Variants in ZNF827 observed in about 807,000 individuals in gnomAD.
ZNF827 encodes zinc finger protein 827.
In ZNF827, 13 loss-of-function variants were observed where a neutral mutation model predicts 102.4. The observed-to-expected ratio is 0.13, with a 90% confidence interval of 0.08 to 0.20. ZNF827 has a LOEUF of 0.20. Ranked by LOEUF, ZNF827 falls within the 10% of genes least tolerant of loss-of-function variation. The pLI, the probability that ZNF827 is intolerant of heterozygous loss-of-function variation, is 1.00. For synonymous variants in ZNF827, 523 were observed against 536.2 expected, an observed-to-expected ratio of 0.98 and a Z score of 0.34; for missense variants, 1,103 against 1,344.4, an observed-to-expected ratio of 0.82 and a Z score of 2.81.
Position 145,867,944 on chromosome 4 carries a change from G to A in ZNF827, c.1981+2301C>T, listed in dbSNP as rs192076817. 2.8e-3 allele frequency among the ~76,000 whole-genome samples: 424 copies of A among 152,310 alleles called. 2 individuals carry two copies. The highest frequency in any genetic ancestry group is 4.7e-3 in the Non-Finnish European group (321 of 68,022). On this transcript the variant is annotated intron_variant, in intron 5 of 14. Coordinates refer to ENST00000508784, the MANE Select transcript of ZNF827 (RefSeq NM_001306215.2). ...GAAGACACAAGTCCTTTACTTGGAT[G>A]TCTTTTAGGGCATGAACTATGAAAT...
At chr4:145,893,472 C>T (rs553210970) in intron 2 of ZNF827, among the ~76,000 whole-genome samples, 8 of 152,178 alleles carry the variant, frequency 5.3e-5, no homozygotes, top group East Asian at 1.9e-4. Flanking sequence ...GATCTACAGA[C>T]GATGATATAA....
At chr4:145,868,018 A>G (rs1447319127) in intron 5 of ZNF827, among the ~76,000 whole-genome samples, 1 of 152,240 alleles carries the variant, frequency 6.6e-6, no homozygotes, top group African/African-American at 2.4e-5. Context: ...TTTTCCTAAC[A>G]TCTTCATTCT....
chr4:145,902,618 T>G lies in ZNF827; in HGVS notation c.641A>C (p.Lys214Thr). Residue 214 changes from lysine to threonine, a missense_variant, in exon 2 of 15, where the codon AAA (lysine) becomes ACA (threonine). Lys to Thr is a moderately conservative substitution (Grantham distance 78, BLOSUM62 -1). Around this residue, in one of 5 missense-constraint regions of ZNF827, gnomAD observed 441 missense variants for 458.6 expected, o/e 0.96. Coordinates refer to ENST00000508784, the MANE Select transcript of ZNF827 (RefSeq NM_001306215.2). The surrounding 1 kb of genome is among the most constrained non-coding windows in gnomAD (Gnocchi z 4.3). ...CSLSPDSAIL[K>T]LKAAANAVLQ... is the part of the protein sequence containing the mutation. The stretch of plus-strand genomic sequence containing the variant: ...AACGGCATTGGCTGCAGCTTTCAGT[T>G]TTAGGATGGCTGAATCCGGAGACAA... 1 of 1,614,040 alleles carries G rather than the reference T, an allele frequency of 6.2e-7. No individual in the cohort carries two copies. Among genetic ancestry groups the G allele is most frequent in the Non-Finnish European group, 8.5e-7 (1 of 1,179,986 alleles).
At chr4:145,855,525 T>A (rs1183869027) in intron 5 of ZNF827, among the ~76,000 whole-genome samples, 1 of 152,172 alleles carries the variant, frequency 6.6e-6, no homozygotes, top group Non-Finnish European at 1.5e-5. Flanking sequence ...CATGGTAACA[T>A]CTTTATCTTG....
chr4:145,858,277 C>T (rs1354016200), intron 5 of ZNF827, among the ~76,000 whole-genome samples: 2 of 151,652 alleles, frequency 1.3e-5, no homozygotes, highest in Non-Finnish European at 1.5e-5. Context: ...AGATGTTTTT[C>T]AAAATGAGAC....
chr4:145,783,570 A>T (rs1738413773), intron 8 of ZNF827, among the ~76,000 whole-genome samples: 1 of 152,208 alleles, frequency 6.6e-6, no homozygotes, highest in African/African-American at 2.4e-5. Flanking sequence ...CAGTTAACCC[A>T]ACAGTCATTC....
chr4:145,872,268 G>A (rs1298637176), intron 4 of ZNF827, among the ~76,000 whole-genome samples: 2 of 152,204 alleles, frequency 1.3e-5, no homozygotes, highest in African/African-American at 4.8e-5. Flanking sequence ...GGTCATAAGA[G>A]TGGAGCCCTA....
In ZNF827 at chr4:145,782,476, G is replaced by A. The variant is rs1007174182; in HGVS notation, c.2384-2965C>T. On this transcript the variant is annotated intron_variant, in intron 8 of 14. Transcript: ENST00000508784. ...TGGAATCTTTTTTGATTCCTCCCCC[G>A]ACTCTCTTTCAACACATCCAATCAG... Among the ~76,000 whole-genome samples, 10 of 152,078 alleles carry A rather than the reference G, an allele frequency of 6.6e-5. No individual in the cohort carries two copies. The East Asian group carries it at 1.5e-3, about 23-fold the overall frequency.
chr4:145,870,188 C>T lies in ZNF827; in HGVS notation c.1981+57G>A. The T allele has an allele frequency of 1.9e-6, 3 of 1,549,626 alleles. No homozygotes were observed. The South Asian group carries it at 3.5e-5, about 18-fold the overall frequency. On this transcript the variant is annotated intron_variant, in intron 5 of 14. Transcript: ENST00000508784. Reference sequence around the variant, plus strand: ...ATTATAACCCATGCAGGAAGCAGTCCAGTTGGCCTGCAAGTGAAACTATCA... The same window carrying T: ...ATTATAACCCATGCAGGAAGCAGTCTAGTTGGCCTGCAAGTGAAACTATCA...
intron 1 of ZNF827, among the ~76,000 whole-genome samples, chr4:145,936,242 C>A (rs1423443137): frequency 6.6e-6 from 1 of 152,092 alleles, no homozygotes; most frequent in East Asian, 1.9e-4. Flanking sequence ...CACTCTTCCA[C>A]CAACTGCTGC....
At chr4:145,862,055 G>T (rs1747782516) in intron 5 of ZNF827, among the ~76,000 whole-genome samples, 1 of 152,224 alleles carries the variant, frequency 6.6e-6, no homozygotes, top group South Asian at 2.1e-4. Context: ...AGCTGGAACA[G>T]CTCCCATATG....
At chr4:145,908,291 C>A (rs1752028835) in intron 1 of ZNF827, among the ~76,000 whole-genome samples, 1 of 152,196 alleles carries the variant, frequency 6.6e-6, no homozygotes, top group Admixed American at 6.5e-5. Flanking sequence ...CCATATGAGT[C>A]TAGCCAGCAG....
At chr4:145,853,980 A>G (rs1466524993) in intron 5 of ZNF827, among the ~76,000 whole-genome samples, 1 of 152,192 alleles carries the variant, frequency 6.6e-6, no homozygotes, top group African/African-American at 2.4e-5. Context: ...CAATTAAAAA[A>G]AAATGAAGAA....
chr4:145,871,027 ATTT>A lies in ZNF827; in HGVS notation c.1748-552_1748-550del, dbSNP rs765061323. Among the ~76,000 whole-genome samples the A allele has an allele frequency of 5.3e-5, 8 of 152,112 alleles. 1 individual carries two copies. Among genetic ancestry groups the A allele is most frequent in the Non-Finnish European group, 1.0e-4 (7 of 68,016 alleles). Reference sequence around the variant, plus strand: ...ACTACTGATCCATAAACAGTGGGGCATTTACTTAGCACTGTTCTTCTGATTATG... The same window carrying A: ...ACTACTGATCCATAAACAGTGGGGCAACTTAGCACTGTTCTTCTGATTATG... On this transcript the variant is annotated intron_variant, in intron 4 of 14. Transcript: ENST00000508784.
At chr4:145,845,846 C>T (rs1389536028) in intron 7 of ZNF827, 110 bp downstream of exon 7, 1 of 1,070,638 alleles carries the variant, frequency 9.3e-7, no homozygotes, top group Non-Finnish European at 1.4e-6. Flanking sequence ...AAGGGTGTGA[C>T]TCCTTTGAAC....
intron 7 of ZNF827, chr4:145,839,396 TC>T (rs1286393080): frequency 6.6e-6 from 1 of 152,206 alleles, no homozygotes; most frequent in Non-Finnish European, 1.5e-5. Context: ...TTGTGGAGGA[TC>T]TCCCGCAGGA....
At chr4:145,794,228 A>G (rs1342702179) in intron 8 of ZNF827, among the ~76,000 whole-genome samples, 1 of 152,166 alleles carries the variant, frequency 6.6e-6, no homozygotes, top group East Asian at 1.9e-4. Context: ...GAACTCACAG[A>G]TCCTCCTTCT....
At chr4:145,901,315 T>C (rs750089235) in intron 2 of ZNF827, among the ~76,000 whole-genome samples, 39 of 152,352 alleles carry the variant, frequency 2.6e-4, no homozygotes, top group South Asian at 4.1e-4. Context: ...AACGTGTATT[T>C]ATCATGTACA....
At position 145,885,888 on chromosome 4, in the gene ZNF827, C is replaced by T. The variant is rs752755630; in HGVS notation, c.1537G>A (p.Gly513Arg). The change falls in exon 4 of 15, where the codon GGA (glycine) becomes AGA (arginine). Residue 513 changes from glycine (G) to arginine (R), a missense_variant. Physicochemically the swap from Gly to Arg is moderately radical, Grantham distance 125 (BLOSUM62 -2). Transcript: ENST00000508784. ...TSNTPERTSQ[G>R]GAGVSPLLVK... ...AGCAAAGGCGAGACGCCAGCCCCTC[C>T]CTGGCTAGTCCTCTCTGGAGTGTTA... 6.2e-7 allele frequency: 1 copy of T among 1,614,222 alleles called. No homozygotes were observed. The highest frequency in any genetic ancestry group is 1.7e-5 in the Admixed American group (1 of 60,034).
Sources: allele counts gnomAD v4.1 joint callset (sites outside exome capture counted in the v4.1 genomes callset), GRCh38; gene constraint gnomAD v4.1.1; regional missense constraint gnomAD v4.1.1; non-coding constraint Gnocchi (gnomAD v3.1); transcripts MANE v1.5; gene names NCBI Gene and HGNC (gene_info 2026-07-23, HGNC 2026-07-21).